The following ZFHX3 variants were observed in gnomAD, a reference collection of about 807,000 sequenced individuals.
ZFHX3 encodes zinc finger homeobox 3.
ZFHX3 carries 42 observed loss-of-function variants against 279.1 expected under a neutral mutation model. The observed-to-expected ratio is 0.15, with a 90% CI of 0.12 to 0.19. The LOEUF (loss-of-function observed/expected upper bound fraction) is 0.19, where lower values mean the gene tolerates loss of function less well. Among genes scored for constraint, ZFHX3 ranks in the 10% least tolerant of loss-of-function variants. ZFHX3 has a pLI of 1.00. For synonymous variants in ZFHX3, 2,293 were observed against 1,957.8 expected (o/e 1.17, Z -4.52); for missense variants, 4,981 against 4,754.0 (o/e 1.05, Z -1.40).
In ZFHX3 at chr16:73,300,282, AAAG is replaced by A. The variant is rs1169344636; in HGVS notation, c.-1194+17955_-1194+17957del. Among the ~76,000 whole-genome samples, 415 of 146,682 alleles carry A rather than the reference AAAG, an allele frequency of 2.8e-3. 3 individuals carry two copies. Among genetic ancestry groups the A allele is most frequent in the African/African-American group, 8.5e-3 (339 of 39,740 alleles). ...TGTCTCTTAAAAAAAAAAAAAAAAAAAAGGACTCCCTGAAATGCCCCATTATAG... is the reference window on the plus strand; with the variant it reads ...TGTCTCTTAAAAAAAAAAAAAAAAAAGACTCCCTGAAATGCCCCATTATAG... On this transcript the variant is annotated intron_variant, in intron 4 of 17. Transcript: ENST00000641206.
chr16:73,388,839 A>G lies in ZFHX3; in HGVS notation c.-1291+67164T>C, dbSNP rs1052448878. 3.9e-5 allele frequency: 6 copies of G among 152,344 alleles called. No homozygotes were observed. The East Asian group carries it at 9.6e-4, about 24-fold the overall frequency. The allele number at this position is 152,344 out of a possible 1,614,324, so 9.4% of individuals were successfully genotyped here. A position where few individuals can be genotyped will look rare whatever the true frequency, so the allele number is the denominator to read the frequency against. On this transcript the variant is annotated intron_variant, in intron 3 of 17. Transcript: ENST00000641206. The stretch of plus-strand genomic sequence containing the variant: ...CTTCCCAAGGCAGATGCCCAAAGCA[A>G]AAAGAGTGAAGCAGTCAGAATTTCA...
At chr16:73,495,526 A>C (rs1195754662) in intron 2 of ZFHX3, among the ~76,000 whole-genome samples, 1 of 152,214 alleles carries the variant, frequency 6.6e-6, no homozygotes, top group Admixed American at 6.5e-5. Context: ...TCCAGGCTCA[A>C]ACCTGAGAAA....
intron 3 of ZFHX3, among the ~76,000 whole-genome samples, chr16:73,388,581 C>T (rs2016947691): frequency 6.6e-6 from 1 of 152,178 alleles, no homozygotes; most frequent in Admixed American, 6.5e-5. Flanking sequence ...AGGGCTATCC[C>T]TAAGCCAACC....
chr16:73,563,064 G>A (rs554248444), intron 2 of ZFHX3, among the ~76,000 whole-genome samples: 3 of 152,070 alleles, frequency 2.0e-5, no homozygotes, highest in East Asian at 1.9e-4. Flanking sequence ...CAGTACCCAG[G>A]GTCTTTACAG....
chr16:73,094,976 T>C (rs1290230439), intron 7 of ZFHX3, among the ~76,000 whole-genome samples: 2 of 152,156 alleles, frequency 1.3e-5, no homozygotes, highest in East Asian at 1.9e-4. Context: ...TCCTAAAGCG[T>C]TGGGATTACA....
chr16:72,802,624 T>C (rs908814502), intron 7 of ZFHX3, among the ~76,000 whole-genome samples: 5 of 152,188 alleles, frequency 3.3e-5, no homozygotes, highest in African/African-American at 1.2e-4. Context: ...AGAGGAAGAT[T>C]CCTAAAGAGA....
rs57283343 is a variant in ZFHX3 at position 73,417,396 on chromosome 16, CTTTTTTTTTTTT to C, written c.-1291+38595_-1291+38606del. 1.0e-4 allele frequency among the ~76,000 whole-genome samples: 12 copies of C among 118,772 alleles called. No individual in the cohort carries two copies. The Admixed American group carries it at 1.0e-3, about 10-fold the overall frequency. The allele number at this position is 118,772 out of a possible 152,430, so 77.9% of individuals were successfully genotyped here. ...ATTAAGAAAAGGAATTTTTTCTTTT[CTTTTTTTTTTTT>C]TTTTTTGGAGACAGGGTCTTGCTAT... On this transcript the variant is annotated intron_variant, in intron 3 of 17. Transcript: ENST00000641206.
intron 5 of ZFHX3, among the ~76,000 whole-genome samples, chr16:73,220,412 T>C (rs2012372060): frequency 6.6e-6 from 1 of 151,872 alleles, no homozygotes. Flanking sequence ...TGGGGAAAGC[T>C]AGGTGAAATG....
chr16:73,166,429 A>G (rs1967369707), intron 5 of ZFHX3, among the ~76,000 whole-genome samples: 1 of 152,172 alleles, frequency 6.6e-6, no homozygotes, highest in Non-Finnish European at 1.5e-5. Context: ...AAGAACTTGA[A>G]CCTGGCAGGC....
intron 2 of ZFHX3, 53 bp from the exon 3 acceptor site, chr16:72,951,018 C>T: frequency 6.3e-7 from 1 of 1,575,398 alleles, no homozygotes; most frequent in Non-Finnish European, 8.6e-7. Flanking sequence ...TGGTCACGGC[C>T]ACAGCTGAGG....
At chr16:73,455,939 GTTAT>G (rs1463499257) in intron 3 of ZFHX3, 1 of 151,628 alleles carries the variant, frequency 6.6e-6, no homozygotes, top group Non-Finnish European at 1.5e-5. Context: ...ACCACATTGC[GTTAT>G]TTATTTTATT....
In ZFHX3 at chr16:73,207,473, T is replaced by G. The variant is rs2011852335; in HGVS notation, c.-1104+49574A>C. Among the ~76,000 whole-genome samples, 4 of 152,188 alleles carry G rather than the reference T, an allele frequency of 2.6e-5. 1 individual carries two copies. The highest frequency in any genetic ancestry group is 6.5e-5 in the Admixed American group (1 of 15,278). On this transcript the variant is annotated intron_variant, in intron 5 of 17. Transcript: ENST00000641206. ...TTTTTAACAGTGACCAGTTGGTTCA[T>G]TTGGTTAGTAAATAGGTAATAATAA...
chr16:73,220,256 C>G (rs1422963340), intron 5 of ZFHX3, among the ~76,000 whole-genome samples: 1 of 152,046 alleles, frequency 6.6e-6, no homozygotes, highest in Non-Finnish European at 1.5e-5. Flanking sequence ...ATGCTTACTA[C>G]CTGGGTGATG....
chr16:73,325,928 A>AAAAAAACACACACAC (rs368062772), intron 3 of ZFHX3, among the ~76,000 whole-genome samples: 4 of 145,492 alleles, frequency 2.7e-5, no homozygotes, highest in East Asian at 2.0e-4. Context: ...CACACACACA[A>AAAAAAACACACACAC]ACACACACAC....
At chr16:73,542,751 T>A (rs1381544154) in intron 2 of ZFHX3, among the ~76,000 whole-genome samples, 2 of 152,178 alleles carry the variant, frequency 1.3e-5, no homozygotes, top group East Asian at 3.8e-4. Context: ...ATATGTCTCA[T>A]GCAATAGTTG....
Position 72,797,016 on chromosome 16 carries a change from C to A in ZFHX3, c.5666G>T (p.Ser1889Ile), listed in dbSNP as rs2143443497. 1 of 1,614,064 alleles carries A rather than the reference C, an allele frequency of 6.2e-7. No individual in the cohort carries two copies. ...CTCGGCGCTGTCCCTCTCTCTCTGG[C>A]TTTCTTTTTCCTTTTCTTTGATGAC... The part of the protein sequence containing the change: ...KLVIKEKEKE[S>I]QRERDSAEGG... The change falls in exon 9 of 10, where the codon AGC becomes ATC. Residue 1889 changes from serine to isoleucine, a missense_variant. Around this residue, in one of 7 missense-constraint regions of ZFHX3, gnomAD observed 1,751 missense variants for 1,770.0 expected, o/e 0.99. Coordinates refer to ENST00000268489, the MANE Select transcript of ZFHX3 (RefSeq NM_006885.4).
At chr16:72,789,125 G>A (rs564343791) in intron 9 of ZFHX3, 2 of 361,692 alleles carry the variant, frequency 5.5e-6, no homozygotes, top group African/African-American at 4.2e-5. Flanking sequence ...GGACAACCTT[G>A]TATTCTAATG....
chr16:72,866,726 T>C (rs915370829), intron 4 of ZFHX3, among the ~76,000 whole-genome samples: 10 of 151,928 alleles, frequency 6.6e-5, no homozygotes, highest in Admixed American at 1.3e-4. Context: ...CAAGGACATT[T>C]ACAAGCCCCT....
At chr16:72,836,599 G>A (rs760764318) in intron 4 of ZFHX3, among the ~76,000 whole-genome samples, 4 of 152,014 alleles carry the variant, frequency 2.6e-5, no homozygotes, top group East Asian at 1.9e-4. Flanking sequence ...GTATGTACAC[G>A]GAAAAGGGAA....
Sources: allele counts gnomAD v4.1 joint callset (sites outside exome capture counted in the v4.1 genomes callset), GRCh38; gene constraint gnomAD v4.1.1; regional missense constraint gnomAD v4.1.1; transcripts MANE v1.5; gene names NCBI Gene and HGNC (gene_info 2026-07-23, HGNC 2026-07-21).